RUNX1: variants seen among roughly 807,000 people sequenced by gnomAD.
RUNX1 encodes runt-related transcription factor 1.
A neutral mutation model predicts 42.8 loss-of-function variants in RUNX1; 19 were observed. That is an observed-to-expected ratio of 0.44 (90% CI 0.31 to 0.65). RUNX1 has a LOEUF of 0.65. RUNX1 is among the 30% of genes least tolerant of loss of function. The probability of loss-of-function intolerance (pLI) is 0.07; values close to 1 mark genes in which losing one functional copy is unlikely to be tolerated. For synonymous variants in RUNX1, 271 were observed against 289.4 expected (o/e 0.94, Z 0.64); for missense variants, 528 against 672.0 (o/e 0.79, Z 2.37).
intron 2 of RUNX1, among the ~76,000 whole-genome samples, chr21:35,006,892 A>T (rs1371814207): frequency 6.6e-6 from 1 of 152,112 alleles, no homozygotes; most frequent in Non-Finnish European, 1.5e-5. Flanking sequence ...GTCCCCATTT[A>T]CTGTACTTGC....
intron 2 of RUNX1, among the ~76,000 whole-genome samples, chr21:34,956,334 A>T (rs543016348): frequency 1.3e-5 from 2 of 152,300 alleles, no homozygotes; most frequent in South Asian, 4.1e-4. Flanking sequence ...CTGAAAATTC[A>T]CTCAAAAAAG....
At chr21:34,890,554 G>A (rs1027741774) in intron 3 of RUNX1, among the ~76,000 whole-genome samples, 7 of 152,028 alleles carry the variant, frequency 4.6e-5, no homozygotes, top group Non-Finnish European at 1.0e-4. Flanking sequence ...CCGGGCTTCC[G>A]GGGGGCTAAG....
intron 2 of RUNX1, among the ~76,000 whole-genome samples, chr21:34,968,002 CTGAT>C (rs1440305132): frequency 1.3e-5 from 2 of 152,144 alleles, no homozygotes; most frequent in Non-Finnish European, 2.9e-5. Flanking sequence ...GAGAAAAACA[CTGAT>C]TGACATTTCC....
intron 2 of RUNX1, among the ~76,000 whole-genome samples, chr21:35,006,071 A>G (rs905599018): frequency 6.6e-6 from 1 of 152,186 alleles, no homozygotes; most frequent in Non-Finnish European, 1.5e-5. Context: ...ATTTTAAGTC[A>G]TTCTCTAAGA....
At chr21:35,047,549 A>ACTCCCTCTCT (rs1262198638) in intron 2 of RUNX1, among the ~76,000 whole-genome samples, 3 of 107,740 alleles carry the variant, frequency 2.8e-5, no homozygotes, top group African/African-American at 3.8e-5. Flanking sequence ...ACACACACAC[A>ACTCCCTCTCT]CACACACACA....
intron 2 of RUNX1, among the ~76,000 whole-genome samples, chr21:35,047,514 AACAC>A (rs145398828): frequency 0.041 from 2,881 of 70,150 alleles, 97 homozygotes; most frequent in East Asian, 0.07. Flanking sequence ...TGCCATCTCC[AACAC>A]ACACACACAC....
intron 6 of RUNX1, 30 bp from the exon 7 acceptor site, chr21:34,834,631 TGGG>T: frequency 2.2e-5 from 21 of 974,512 alleles, no homozygotes; most frequent in Non-Finnish European, 3.1e-5. Flanking sequence ...GGGGAGGGGA[TGGG>T]GGGAGGGAAG....
At position 34,790,640 on chromosome 21, in the gene RUNX1, G is replaced by A; in HGVS notation, c.*1495C>T. The stretch of plus-strand genomic sequence containing the variant: ...AGGTAAAAGCCCATATACCCCATAG[G>A]GTAGGGTCTCAGCCTGGTGAAAGCA... On this transcript the variant is annotated 3_prime_UTR_variant, in exon 9 of 9. Transcript: ENST00000675419. The A allele has an allele frequency of 4.3e-6, 1 of 233,256 alleles. No individual in the cohort carries two copies. Among genetic ancestry groups the A allele is most frequent in the East Asian group, 6.0e-5 (1 of 16,588 alleles). The allele number at this position is 233,256 out of a possible 1,614,324, so 14.4% of individuals were successfully genotyped here.
chr21:34,827,286 G>A (rs1383293802), intron 7 of RUNX1, among the ~76,000 whole-genome samples: 1 of 152,222 alleles, frequency 6.6e-6, no homozygotes, highest in Admixed American at 6.5e-5. Flanking sequence ...CATTGAGGCT[G>A]CTGTGTGGCT....
chr21:34,865,150 A>G (rs1364668308), intron 5 of RUNX1, among the ~76,000 whole-genome samples: 3 of 152,108 alleles, frequency 2.0e-5, no homozygotes, highest in Non-Finnish European at 4.4e-5. Context: ...GTCTCAGTAA[A>G]TGTCAGTGGA....
intron 2 of RUNX1, among the ~76,000 whole-genome samples, chr21:35,011,127 A>T (rs890991532): frequency 5.3e-5 from 8 of 152,206 alleles, no homozygotes; most frequent in African/African-American, 1.9e-4. Context: ...ATTAAAAGTG[A>T]TGTGAATAAC....
Position 34,880,568 on chromosome 21 carries a change from C to T in RUNX1, c.497G>A (p.Arg166Gln), listed in dbSNP as rs1060499616. ...GACAGATAACGTACCTCTTCCACTT[C>T]GACCGACAAACCTGAGGTCATTAAA... Reference protein sequence around the residue: ...ARFNDLRFVGRSGRGKSFTLT... With the variant: ...ARFNDLRFVGQSGRGKSFTLT... Residue 166 changes from arginine to glutamine, a missense_variant, in exon 5 of 9, where the codon CGA becomes CAA. By Grantham distance (43) the Arg-to-Gln change is conservative. This residue lies in a region of RUNX1 where 83 missense variants were observed against 174.5 expected (regional missense o/e 0.48). Coordinates refer to ENST00000675419, the MANE Select transcript of RUNX1 (RefSeq NM_001754.5). 2 of 1,614,088 alleles carry T rather than the reference C, an allele frequency of 1.2e-6. No homozygotes were observed. Among genetic ancestry groups the T allele is most frequent in the Non-Finnish European group, 1.7e-6 (2 of 1,179,978 alleles).
chr21:34,835,019 C>T (rs951347231), intron 6 of RUNX1, among the ~76,000 whole-genome samples: 2 of 152,210 alleles, frequency 1.3e-5, no homozygotes, highest in East Asian at 1.9e-4. Flanking sequence ...GGCATCAGAA[C>T]GGCTGTTCCT....
At chr21:34,865,279 C>CGTGCGTGT (rs1555895662) in intron 5 of RUNX1, among the ~76,000 whole-genome samples, 1 of 132,380 alleles carries the variant, frequency 7.6e-6, no homozygotes, top group Non-Finnish European at 1.6e-5. Flanking sequence ...GGGTTTTGTG[C>CGTGCGTGT]GTGTGTGTGT....
chr21:34,809,909 T>C lies in RUNX1; in HGVS notation c.806-10447A>G, dbSNP rs7277774. ...CCCCCTAACCTATGAGTTGTCGATA[T>C]TGGAGAATACGATGCTTTTGAGCCC... On this transcript the variant is annotated intron_variant, in intron 7 of 8. Transcript: ENST00000675419. Among the ~76,000 whole-genome samples, 287 of 152,338 alleles carry C rather than the reference T, an allele frequency of 1.9e-3. 2 individuals are homozygous for C. Among genetic ancestry groups the C allele is most frequent in the Middle Eastern group, 0.01 (3 of 294 alleles).
intron 2 of RUNX1, among the ~76,000 whole-genome samples, chr21:34,964,560 GA>G (rs1161929464): frequency 6.6e-6 from 1 of 151,978 alleles, no homozygotes; most frequent in Non-Finnish European, 1.5e-5. Context: ...GGCATGAAAG[GA>G]CATTTTGGTA....
chr21:34,942,925 A>C (rs938557005), intron 2 of RUNX1, among the ~76,000 whole-genome samples: 2 of 152,230 alleles, frequency 1.3e-5, no homozygotes, highest in African/African-American at 2.4e-5. Flanking sequence ...GACCAGATGC[A>C]CATATCAACT....
chr21:34,929,493 CAT>C (rs561012066), intron 2 of RUNX1, among the ~76,000 whole-genome samples: 27 of 152,262 alleles, frequency 1.8e-4, no homozygotes, highest in Admixed American at 1.2e-3. Flanking sequence ...GAGAGATTCT[CAT>C]ATGTTTGACT....
chr21:34,977,126 T>A (rs549931961), intron 2 of RUNX1, among the ~76,000 whole-genome samples: 7 of 152,254 alleles, frequency 4.6e-5, no homozygotes, highest in Non-Finnish European at 1.0e-4. Context: ...TGCTGCCGTT[T>A]TACTGACTAT....
Sources: allele counts gnomAD v4.1 joint callset (sites outside exome capture counted in the v4.1 genomes callset), GRCh38; gene constraint gnomAD v4.1.1; regional missense constraint gnomAD v4.1.1; transcripts MANE v1.5; gene names NCBI Gene and HGNC (gene_info 2026-07-23, HGNC 2026-07-21).